Variants in RERE observed in about 807,000 individuals in gnomAD.
RERE encodes the protein arginine-glutamic acid dipeptide repeats, also known as arginine-glutamic acid dipeptide repeats protein.
Under a neutral mutation model 146.1 loss-of-function variants are expected in RERE, and 40 were observed. The ratio of observed to expected loss-of-function variants is 0.27; its 90% CI spans 0.21 to 0.36. The LOEUF (loss-of-function observed/expected upper bound fraction) is 0.36, where lower values mean the gene tolerates loss of function less well. Among genes scored for constraint, RERE ranks in the 10% least tolerant of loss-of-function variants. RERE has a pLI of 1.00. For missense variants in RERE, 1,933 were observed against 2,138.7 expected, an observed-to-expected ratio of 0.90 and a Z score of 1.90; for synonymous variants, 1,003 against 866.0, an observed-to-expected ratio of 1.16 and a Z score of -2.78.
chr1:8,458,369 A>T (rs1644480266), intron 11 of RERE, among the ~76,000 whole-genome samples: 1 of 152,078 alleles, frequency 6.6e-6, no homozygotes, highest in South Asian at 2.1e-4. Context: ...GTATTTATTA[A>T]TCTTTCAAGC....
chr1:8,746,419 AG>A (rs1640422025), intron 1 of RERE, among the ~76,000 whole-genome samples: 1 of 152,154 alleles, frequency 6.6e-6, no homozygotes, highest in Admixed American at 6.5e-5. Flanking sequence ...TGTCTCAGTA[AG>A]AACCACTGAG....
At chr1:8,743,960 T>G (rs1569691547) in intron 1 of RERE, among the ~76,000 whole-genome samples, 1 of 152,316 alleles carries the variant, frequency 6.6e-6, no homozygotes, top group East Asian at 1.9e-4. Flanking sequence ...AAGGAATATT[T>G]GGGTTTGTTT....
chr1:8,572,682 G>A (rs1392545093), intron 4 of RERE, among the ~76,000 whole-genome samples: 1 of 152,170 alleles, frequency 6.6e-6, no homozygotes, highest in Non-Finnish European at 1.5e-5. Context: ...ATATAGAAGT[G>A]GGAAAAACAG....
chr1:8,706,669 T>C (rs1038162686), intron 1 of RERE, among the ~76,000 whole-genome samples: 40 of 152,350 alleles, frequency 2.6e-4, no homozygotes, highest in African/African-American at 8.9e-4. Context: ...GGGGAGTTCA[T>C]TCTTACCTCC....
chr1:8,579,881 G>A lies in RERE; in HGVS notation c.523-22358C>T, dbSNP rs1407923029. On this transcript the variant is annotated intron_variant, in intron 4 of 22. Coordinates refer to ENST00000400908, the MANE Select transcript of RERE (RefSeq NM_001042681.2). ...TAGTTGGGCGTGGTGGCGCATGCCTGTAATCCCAGCTACATGGGAGGCTGA... is the reference window on the plus strand; with the variant it reads ...TAGTTGGGCGTGGTGGCGCATGCCTATAATCCCAGCTACATGGGAGGCTGA... Among the ~76,000 whole-genome samples, 5 of 152,234 alleles carry A rather than the reference G, an allele frequency of 3.3e-5. No homozygotes were observed. In the East Asian group the frequency reaches 5.8e-4, roughly 18 times the overall value.
chr1:8,384,224 G>A (rs895680957), intron 12 of RERE, among the ~76,000 whole-genome samples: 1 of 152,116 alleles, frequency 6.6e-6, no homozygotes, highest in African/African-American at 2.4e-5. Flanking sequence ...CTGTGTGACT[G>A]GGAACATGTA....
chr1:8,507,835 G>T (rs1338958678), intron 8 of RERE, among the ~76,000 whole-genome samples: 1 of 133,364 alleles, frequency 7.5e-6, no homozygotes. Context: ...CGCCTCCGGG[G>T]TTCAAGTGAT....
At chr1:8,630,456 A>G (rs1156289750) in intron 2 of RERE, among the ~76,000 whole-genome samples, 4 of 152,248 alleles carry the variant, frequency 2.6e-5, no homozygotes, top group African/African-American at 9.6e-5. Flanking sequence ...CGCTCTATCA[A>G]TATGAACAAA....
In RERE at chr1:8,486,805, T is replaced by C. The variant is rs545026665; in HGVS notation, c.1104+8258A>G. On this transcript the variant is annotated intron_variant, in intron 10 of 22. Transcript: ENST00000400908. ...AAGAAAAGAAAAAAAGCACTTTCTA[T>C]ATAAAAAAATTTAGATGGCTAAACT... 7.4e-5 allele frequency among the ~76,000 whole-genome samples: 11 copies of C among 148,174 alleles called. No individual in the cohort carries two copies. The East Asian group carries it at 2.2e-3, about 29-fold the overall frequency.
intron 1 of RERE, among the ~76,000 whole-genome samples, chr1:8,760,657 C>G (rs1253126099): frequency 2.0e-5 from 3 of 152,044 alleles, no homozygotes; most frequent in African/African-American, 7.2e-5. Flanking sequence ...GCTCTGTCAC[C>G]CAGGATGGTT....
chr1:8,665,451 C>T (rs1031999973), intron 1 of RERE, among the ~76,000 whole-genome samples: 2 of 152,102 alleles, frequency 1.3e-5, no homozygotes, highest in Admixed American at 6.6e-5. Flanking sequence ...CTCACACATA[C>T]GTTGGATCAG....
At chr1:8,735,450 G>A (rs1394570848) in intron 1 of RERE, among the ~76,000 whole-genome samples, 1 of 152,164 alleles carries the variant, frequency 6.6e-6, no homozygotes, top group East Asian at 1.9e-4. Flanking sequence ...TACACAAATA[G>A]TAGTATACTT....
chr1:8,592,037 A>T (rs185097475), intron 4 of RERE, among the ~76,000 whole-genome samples: 1 of 152,354 alleles, frequency 6.6e-6, no homozygotes, highest in East Asian at 1.9e-4. Context: ...AAAACACTGT[A>T]ATGCTAATGT....
At chr1:8,539,733 G>A (rs768140278) in intron 7 of RERE, among the ~76,000 whole-genome samples, 58 of 152,270 alleles carry the variant, frequency 3.8e-4, no homozygotes, top group Non-Finnish European at 7.8e-4. Context: ...AGGAGAAAAG[G>A]TACTCTTTGA....
intron 1 of RERE, among the ~76,000 whole-genome samples, chr1:8,680,536 C>T (rs996081496): frequency 4.0e-5 from 6 of 151,814 alleles, no homozygotes; most frequent in African/African-American, 9.7e-5. Context: ...AGAACAAGGA[C>T]GTAATGCCAT....
At chr1:8,736,796 C>G (rs1379273137) in intron 1 of RERE, among the ~76,000 whole-genome samples, 1 of 141,438 alleles carries the variant, frequency 7.1e-6, no homozygotes, top group African/African-American at 2.6e-5. Context: ...AACACTTGGT[C>G]TTCACCAAGA....
At chr1:8,689,400 C>T (rs568105935) in intron 1 of RERE, among the ~76,000 whole-genome samples, 50 of 152,276 alleles carry the variant, frequency 3.3e-4, no homozygotes, top group African/African-American at 1.2e-3. Flanking sequence ...ACTCCTCTAT[C>T]CTATTACAGA....
rs3050828 is a variant in RERE, at chr1:8,545,982, C to CTTTTTTTTTTTTTTTTTTTTT, written c.726-4685_726-4665dup. Among the ~76,000 whole-genome samples the CTTTTTTTTTTTTTTTTTTTTT allele has an allele frequency of 3.2e-4, 22 of 69,480 alleles. 4 individuals carry two copies. The highest frequency in any genetic ancestry group is 1.1e-3 in the African/African-American group (19 of 16,700). 45.6% of individuals were successfully genotyped at this position (69,480 alleles called of 152,430 possible). ...ACAGGTGCAAGCTACCATACCCAGT[C>CTTTTTTTTTTTTTTTTTTTTT]TTTTTTTTTTTTTTTTTTTTTTTTT... is the stretch of plus-strand genomic sequence containing the variant. On this transcript the variant is annotated intron_variant, in intron 6 of 22. Coordinates refer to ENST00000400908, the MANE Select transcript of RERE (RefSeq NM_001042681.2).
chr1:8,493,461 A>G (rs557455167), intron 10 of RERE, among the ~76,000 whole-genome samples: 157 of 152,358 alleles, frequency 1.0e-3, no homozygotes, highest in Non-Finnish European at 1.9e-3. Flanking sequence ...CTCAAATGTT[A>G]TATCATACTC....
Sources: gnomAD v4.1 joint callset for allele counts (sites outside exome capture counted in the v4.1 genomes callset) on GRCh38, gnomAD v4.1.1 for gene constraint, MANE v1.5 for transcripts, NCBI Gene and HGNC (gene_info 2026-07-23, HGNC 2026-07-21) for gene names.